Variants in LRRC27 observed in about 807,000 individuals in gnomAD.
LRRC27 encodes the protein leucine rich repeat containing 27.
A neutral mutation model predicts 55.0 loss-of-function variants in LRRC27; 57 were observed. The ratio of observed to expected loss-of-function variants is 1.04; its 90% CI spans 0.84 to 1.29. The LOEUF (loss-of-function observed/expected upper bound fraction) is 1.29. LRRC27 is among the 50% of genes most tolerant of loss of function. The probability of loss-of-function intolerance (pLI) is 0.00; values close to 1 mark genes in which losing one functional copy is unlikely to be tolerated. For missense variants in LRRC27, 721 were observed against 651.5 expected, an observed-to-expected ratio of 1.11 and a Z score of -1.16; for synonymous variants, 278 against 251.9, an observed-to-expected ratio of 1.10 and a Z score of -0.98.
At chr10:132,356,301 G>C (rs1258096245) in intron 8 of LRRC27, among the ~76,000 whole-genome samples, 1 of 152,194 alleles carries the variant, frequency 6.6e-6, no homozygotes, top group Non-Finnish European at 1.5e-5. Context: ...GGTCTTTCTG[G>C]GCTCCTCACC....
Position 132,365,402 on chromosome 10 carries a change from C to G in LRRC27, c.1290-22C>G, listed in dbSNP as rs369923281. On this transcript the variant is annotated intron_variant, in intron 9 of 10. Coordinates refer to ENST00000368614, the MANE Select transcript of LRRC27 (RefSeq NM_030626.3). ...AGAGTAAATGTGTCAAGTCATTTCC[C>G]TCTTTGCCCTTTGTTTCTCAGTGCC... 9 of 1,612,872 alleles carry G rather than the reference C, an allele frequency of 5.6e-6. No individual in the cohort carries two copies. The East Asian group carries it at 1.3e-4, about 24-fold the overall frequency.
chr10:132,345,182 G>C (rs1396496564), intron 5 of LRRC27, among the ~76,000 whole-genome samples: 1 of 152,166 alleles, frequency 6.6e-6, no homozygotes, highest in Non-Finnish European at 1.5e-5. Context: ...ACGCATTGTA[G>C]TTACACTTGG....
At position 132,337,480 on chromosome 10, in the gene LRRC27, T is replaced by A. The variant is rs571191869; in HGVS notation, c.211-85T>A. On this transcript the variant is annotated intron_variant, in intron 2 of 10. Coordinates refer to ENST00000368614, the MANE Select transcript of LRRC27 (RefSeq NM_030626.3). The stretch of plus-strand genomic sequence containing the variant: ...ATATACGGTTCTGGTTGTTAGTAGT[T>A]CTTTTGGAAATAGATTTTGGATATA... 9 of 1,553,304 alleles carry A rather than the reference T, an allele frequency of 5.8e-6. No individual in the cohort carries two copies. The South Asian group carries it at 1.1e-4, about 19-fold the overall frequency.
chr10:132,355,752 T>C, intron 7 of LRRC27, 38 bp from the exon 8 acceptor site: 1 of 1,448,816 alleles, frequency 6.9e-7, no homozygotes, highest in South Asian at 1.2e-5. Flanking sequence ...GGCTCGAAGC[T>C]GCCTGTAACT....
upstream of LRRC27, among the ~76,000 whole-genome samples, chr10:132,330,650 G>GGT (rs2066653182): frequency 6.7e-6 from 1 of 150,292 alleles, no homozygotes; most frequent in Non-Finnish European, 1.5e-5. Context: ...TGGAACTACA[G>GGT]GTGTGTGCCA....
chr10:132,349,583 CT>C (rs1308974000), intron 6 of LRRC27, among the ~76,000 whole-genome samples: 2 of 152,216 alleles, frequency 1.3e-5, no homozygotes, highest in African/African-American at 4.8e-5. Context: ...TTCTTCCCTC[CT>C]CCCTTCAAAT....
rs141672852 is a variant in LRRC27, at chr10:132,334,005, G to A, written c.210+271G>A. ...AGTTCATCTCTCAAAACCTGTGGTAGAAACTACTGCCAAACACGCTTGGTC... is the reference window on the plus strand; with the variant it reads ...AGTTCATCTCTCAAAACCTGTGGTAAAAACTACTGCCAAACACGCTTGGTC... On this transcript the variant is annotated intron_variant, in intron 2 of 10. Transcript: ENST00000368614. Among the ~76,000 whole-genome samples the A allele has an allele frequency of 5.7e-4, 87 of 152,358 alleles. No homozygotes were observed. The Middle Eastern group carries it at 0.01, about 18-fold the overall frequency.
chr10:132,349,920 G>T (rs999533518), intron 6 of LRRC27, among the ~76,000 whole-genome samples: 5 of 152,196 alleles, frequency 3.3e-5, no homozygotes, highest in Non-Finnish European at 5.9e-5. Flanking sequence ...CATTATCAGG[G>T]CCTCAGTTTC....
intron 2 of LRRC27, 72 bp downstream of exon 2, chr10:132,333,806 G>A (rs991824330): frequency 2.6e-6 from 3 of 1,155,610 alleles, no homozygotes; most frequent in Non-Finnish European, 3.7e-6. Flanking sequence ...GTACCCCTGG[G>A]CTTTATTTGT....
intron 10 of LRRC27, among the ~76,000 whole-genome samples, chr10:132,369,641 C>T (rs1404157465): frequency 2.0e-5 from 3 of 152,152 alleles, no homozygotes; most frequent in East Asian, 3.8e-4. Context: ...TGTGATGATG[C>T]GTTTGTCTAA....
chr10:132,330,630 C>A, upstream of LRRC27: 3 of 675,256 alleles, frequency 4.4e-6, no homozygotes, highest in Non-Finnish European at 8.2e-6. Context: ...GCCTCACCCT[C>A]CCACACAGCT....
At chr10:132,331,426 G>A (rs747872777), upstream of LRRC27, 2 of 1,606,284 alleles carry the variant, frequency 1.2e-6, no homozygotes, top group Middle Eastern at 1.7e-4. Flanking sequence ...CCCTTCCTCA[G>A]GACACTCACT....
intron 6 of LRRC27, chr10:132,349,092 T>A (rs2067874796): frequency 1.4e-6 from 2 of 1,382,534 alleles, no homozygotes; most frequent in African/African-American, 1.4e-5. Flanking sequence ...TGTGCCTGCA[T>A]GTGGTGTGTG....
At chr10:132,371,443 C>A (rs910018393) in intron 10 of LRRC27, among the ~76,000 whole-genome samples, 3 of 152,210 alleles carry the variant, frequency 2.0e-5, no homozygotes, top group Admixed American at 6.5e-5. Context: ...TCCAGGTCAA[C>A]GCGGCCCATT....
At position 132,332,233 on chromosome 10, in the gene LRRC27, C is replaced by G. The variant is rs1275495339; in HGVS notation, c.-72C>G. The G allele has an allele frequency of 6.5e-6, 1 of 153,684 alleles. No homozygotes were observed. The highest frequency in any genetic ancestry group is 1.4e-5 in the Non-Finnish European group (1 of 69,070). The allele number at this position is 153,684 out of a possible 1,614,324, so 9.5% of individuals were successfully genotyped here. On this transcript the variant is annotated 5_prime_UTR_variant, in exon 1 of 11. Coordinates refer to ENST00000368614, the MANE Select transcript of LRRC27 (RefSeq NM_030626.3). ...CTCTCAGCGGCGGGGCTCGCCAGCGCTTCAGTGGGCGGGGACGCGGCAGGT... is the reference window on the plus strand; with the variant it reads ...CTCTCAGCGGCGGGGCTCGCCAGCGGTTCAGTGGGCGGGGACGCGGCAGGT...
chr10:132,366,915 T>C (rs754873435), intron 10 of LRRC27: 1 of 1,285,134 alleles, frequency 7.8e-7, no homozygotes, highest in South Asian at 1.2e-5. Context: ...CCACCCAACC[T>C]GACTCGGACC....
At chr10:132,353,372 A>T (rs1388649470) in intron 7 of LRRC27, 12 of 1,060,804 alleles carry the variant, frequency 1.1e-5, no homozygotes, top group Non-Finnish European at 4.6e-6. Context: ...TCCCTCCCCA[A>T]CATGAATAAA....
intron 7 of LRRC27, chr10:132,352,819 T>C (rs1391888567): frequency 6.3e-7 from 1 of 1,580,646 alleles, no homozygotes; most frequent in South Asian, 1.1e-5. Flanking sequence ...GTCTTTGCCC[T>C]GGCTTCCTCA....
At chr10:132,350,082 G>A (rs2067932219) in intron 6 of LRRC27, among the ~76,000 whole-genome samples, 1 of 152,214 alleles carries the variant, frequency 6.6e-6, no homozygotes, top group Non-Finnish European at 1.5e-5. Context: ...GGAGCAGTGG[G>A]CATGGTGAGA....
Sources: allele counts gnomAD v4.1 joint callset (sites outside exome capture counted in the v4.1 genomes callset), GRCh38; gene constraint gnomAD v4.1.1; transcripts MANE v1.5; gene names NCBI Gene and HGNC (gene_info 2026-07-23, HGNC 2026-07-21).